TENM4: variants seen among roughly 807,000 people sequenced by gnomAD.
TENM4 encodes teneurin-4.
TENM4 carries 82 observed loss-of-function variants against 243.3 expected under a neutral mutation model. That is an observed-to-expected ratio of 0.34 (90% confidence interval 0.28 to 0.40). TENM4 has a LOEUF of 0.40. TENM4 is among the 10% of genes least tolerant of loss of function. The pLI, the probability that TENM4 is intolerant of heterozygous loss-of-function variation, is 1.00. For synonymous variants in TENM4, 1,412 were observed against 1,456.3 expected, an observed-to-expected ratio of 0.97 and a Z score of 0.69; for missense variants, 3,138 against 3,673.3, an observed-to-expected ratio of 0.85 and a Z score of 3.77.
At chr11:79,261,893 C>T (rs903214351) in intron 2 of TENM4, among the ~76,000 whole-genome samples, 2 of 152,144 alleles carry the variant, frequency 1.3e-5, no homozygotes, top group Admixed American at 1.3e-4. Context: ...TTTCTTATAA[C>T]CTCTGGATGG....
intron 2 of TENM4, among the ~76,000 whole-genome samples, chr11:79,234,000 G>A (rs1169426197): frequency 2.0e-5 from 3 of 152,200 alleles, no homozygotes; most frequent in African/African-American, 7.2e-5. Context: ...GTTGTTCAAT[G>A]TAGTGCAAAG....
intron 6 of TENM4, among the ~76,000 whole-genome samples, chr11:78,928,800 T>C (rs1244043948): frequency 2.0e-5 from 3 of 152,244 alleles, no homozygotes; most frequent in Non-Finnish European, 4.4e-5. Flanking sequence ...TGGACCTGGA[T>C]TGATCTAGGT....
At chr11:79,254,098 A>G (rs1855660065) in intron 2 of TENM4, among the ~76,000 whole-genome samples, 1 of 152,158 alleles carries the variant, frequency 6.6e-6, no homozygotes, top group Non-Finnish European at 1.5e-5. Context: ...CACTGGTGAA[A>G]CTATTTTGTA....
At chr11:79,325,480 A>T (rs2135434893) in intron 1 of TENM4, among the ~76,000 whole-genome samples, 1 of 152,300 alleles carries the variant, frequency 6.6e-6, no homozygotes, top group Middle Eastern at 3.4e-3. Context: ...CCACTGGTAT[A>T]ACCTTGGCTT....
intron 18 of TENM4, among the ~76,000 whole-genome samples, chr11:78,767,114 G>T (rs1344795717): frequency 1.3e-5 from 2 of 152,178 alleles, no homozygotes; most frequent in Non-Finnish European, 2.9e-5. Flanking sequence ...TAGATAACTT[G>T]AAGGGCTACA....
intron 2 of TENM4, among the ~76,000 whole-genome samples, chr11:79,266,329 C>T (rs563612166): frequency 6.6e-6 from 1 of 152,308 alleles, no homozygotes; most frequent in South Asian, 2.1e-4. Context: ...ACACTCTAGG[C>T]ACAGGGAATA....
chr11:79,337,724 T>C (rs1857170453), intron 1 of TENM4, among the ~76,000 whole-genome samples: 1 of 152,192 alleles, frequency 6.6e-6, no homozygotes, highest in Admixed American at 6.5e-5. Flanking sequence ...GGTGGGGCCA[T>C]GCTACATTGG....
chr11:79,108,471 A>G (rs1410207352), intron 4 of TENM4, among the ~76,000 whole-genome samples: 1 of 152,156 alleles, frequency 6.6e-6, no homozygotes, highest in East Asian at 1.9e-4. Flanking sequence ...GTATGTATAT[A>G]TTAAGAGATT....
At chr11:78,983,738 A>G (rs138353257) in intron 6 of TENM4, among the ~76,000 whole-genome samples, 18 of 133,270 alleles carry the variant, frequency 1.4e-4, no homozygotes, top group Non-Finnish European at 2.8e-4. Context: ...ACCCTCCTCT[A>G]GAGGCCTTTG....
At chr11:79,067,990 C>T (rs1363215805) in intron 5 of TENM4, 1 of 152,192 alleles carries the variant, frequency 6.6e-6, no homozygotes, top group Non-Finnish European at 1.5e-5. Context: ...ACGCACATGC[C>T]TGCCTATGAG....
At chr11:79,203,533 A>G (rs761323169) in intron 3 of TENM4, among the ~76,000 whole-genome samples, 5 of 152,218 alleles carry the variant, frequency 3.3e-5, no homozygotes, top group African/African-American at 1.2e-4. Flanking sequence ...ATACATACAT[A>G]TCTATAATAA....
At chr11:79,305,947 C>A (rs545190987) in intron 1 of TENM4, among the ~76,000 whole-genome samples, 2 of 152,226 alleles carry the variant, frequency 1.3e-5, no homozygotes, top group Non-Finnish European at 2.9e-5. Context: ...CAGAGCCGAC[C>A]TGTGGAGGGT....
chr11:78,995,587 C>T (rs1278145522), intron 6 of TENM4, among the ~76,000 whole-genome samples: 2 of 151,978 alleles, frequency 1.3e-5, no homozygotes, highest in Non-Finnish European at 2.9e-5. Flanking sequence ...AACAGAGATA[C>T]AGAAAAGTAG....
chr11:79,108,639 G>A (rs7121856), intron 4 of TENM4, among the ~76,000 whole-genome samples: 111,137 of 152,002 alleles, frequency 0.73, 41,687 homozygotes, highest in African/African-American at 0.84. Flanking sequence ...TGAGCATAAT[G>A]TACCTCCAGA....
At chr11:79,386,769 G>A (rs1034051618) in intron 1 of TENM4, among the ~76,000 whole-genome samples, 2 of 150,280 alleles carry the variant, frequency 1.3e-5, no homozygotes, top group Admixed American at 6.6e-5. Context: ...TTTTAAGTGA[G>A]CAAAAAAATT....
chr11:79,015,477 AGTGTGTGTGTGTGT>A lies in TENM4; in HGVS notation c.493+49247_493+49260del, dbSNP rs113872101. Among the ~76,000 whole-genome samples, 5 of 147,142 alleles carry A rather than the reference AGTGTGTGTGTGTGT, an allele frequency of 3.4e-5. No homozygotes were observed. The East Asian group carries it at 7.9e-4, about 23-fold the overall frequency. On this transcript the variant is annotated intron_variant, in intron 6 of 33. Transcript: ENST00000278550. ...GATTTCATGAGAAAAAAAGTCATTTAGTGTGTGTGTGTGTGTGTGTGTGTGTGTGTGTATGTATT... is the reference window on the plus strand; with the variant it reads ...GATTTCATGAGAAAAAAAGTCATTTAGTGTGTGTGTGTGTGTGTATGTATT...
intron 6 of TENM4, among the ~76,000 whole-genome samples, chr11:78,992,183 G>A (rs1031907398): frequency 1.8e-4 from 28 of 152,324 alleles, no homozygotes; most frequent in African/African-American, 6.0e-4. Flanking sequence ...AAAGGAGAAC[G>A]AGCAGCTTCT....
chr11:78,993,534 T>A (rs1056648491), intron 6 of TENM4, among the ~76,000 whole-genome samples: 9 of 152,164 alleles, frequency 5.9e-5, no homozygotes, highest in Non-Finnish European at 7.4e-5. Context: ...GTCACTGAAG[T>A]TCTGTTCATT....
intron 6 of TENM4, among the ~76,000 whole-genome samples, chr11:78,922,026 C>T (rs1375702727): frequency 1.3e-5 from 2 of 152,198 alleles, no homozygotes; most frequent in African/African-American, 4.8e-5. Flanking sequence ...ACTGCTGGCA[C>T]CCAGGCTGTA....
Sources: allele counts gnomAD v4.1 joint callset (sites outside exome capture counted in the v4.1 genomes callset), GRCh38; gene constraint gnomAD v4.1.1; transcripts MANE v1.5; gene names NCBI Gene and HGNC (gene_info 2026-07-23, HGNC 2026-07-21).